GALNT7: variants seen among roughly 807,000 people sequenced by gnomAD.
GALNT7 encodes N-acetylgalactosaminyltransferase 7.
GALNT7 carries 60 observed loss-of-function variants against 82.1 expected under a neutral mutation model. The observed-to-expected ratio is 0.73, with a 90% CI of 0.59 to 0.91. The LOEUF is 0.91. Ranked by LOEUF, GALNT7 falls within the 40% of genes least tolerant of loss-of-function variation. GALNT7 has a pLI of 0.00. For missense variants in GALNT7, 660 were observed against 804.2 expected, an observed-to-expected ratio of 0.82 and a Z score of 2.17; for synonymous variants, 243 against 275.1, an observed-to-expected ratio of 0.88 and a Z score of 1.15.
intron 2 of GALNT7, among the ~76,000 whole-genome samples, chr4:173,256,016 G>A (rs1347807249): frequency 6.6e-6 from 1 of 152,198 alleles, no homozygotes; most frequent in African/African-American, 2.4e-5. Flanking sequence ...GTGGTTCATA[G>A]ATTTCCTCTT....
intron 1 of GALNT7, among the ~76,000 whole-genome samples, chr4:173,234,163 T>C (rs879589507): frequency 1.3e-5 from 2 of 152,192 alleles, no homozygotes; most frequent in Admixed American, 6.5e-5. Flanking sequence ...TCTTTCCACA[T>C]ATTGGGCTAG....
chr4:173,286,276 G>A (rs913860936), intron 2 of GALNT7, among the ~76,000 whole-genome samples: 3 of 152,158 alleles, frequency 2.0e-5, no homozygotes, highest in Admixed American at 6.5e-5. Flanking sequence ...AAAATGGCTC[G>A]GCTCTAGCAA....
At chr4:173,277,803 G>A (rs1474794784) in intron 2 of GALNT7, among the ~76,000 whole-genome samples, 1 of 152,186 alleles carries the variant, frequency 6.6e-6, no homozygotes, top group Non-Finnish European at 1.5e-5. Context: ...AAAGACAGAT[G>A]TGCAATACTT....
chr4:173,318,801 G>T (rs1383288439), intron 11 of GALNT7: 1 of 308,104 alleles, frequency 3.2e-6, no homozygotes, highest in East Asian at 7.4e-5. Context: ...TGTCTATAAA[G>T]AGCACTGCTA....
At chr4:173,226,535 C>A (rs1240092413) in intron 1 of GALNT7, among the ~76,000 whole-genome samples, 1 of 152,154 alleles carries the variant, frequency 6.6e-6, no homozygotes, top group Non-Finnish European at 1.5e-5. Flanking sequence ...CAATTTCAAC[C>A]CCTTCTTTGT....
Position 173,304,496 on chromosome 4 carries a change from G to A in GALNT7, c.1389+378G>A, listed in dbSNP as rs569836267. On this transcript the variant is annotated intron_variant, in intron 8 of 11. Coordinates refer to ENST00000265000, the MANE Select transcript of GALNT7 (RefSeq NM_017423.3). Reference sequence around the variant, plus strand: ...ATGTTTTGATATATGTATACATTGTGGGGATGGCTAAATCTGGCTATTTGG... The same window carrying A: ...ATGTTTTGATATATGTATACATTGTAGGGATGGCTAAATCTGGCTATTTGG... 3.9e-5 allele frequency among the ~76,000 whole-genome samples: 6 copies of A among 151,978 alleles called. 1 individual carries two copies. The South Asian group carries it at 1.2e-3, about 32-fold the overall frequency.
chr4:173,193,844 T>C (rs78045974), intron 1 of GALNT7, among the ~76,000 whole-genome samples: 179 of 152,276 alleles, frequency 1.2e-3, no homozygotes, highest in African/African-American at 4.0e-3. Flanking sequence ...AAATCTGTTA[T>C]TAGGGAGGCA....
chr4:173,219,647 A>G (rs1048968788), intron 1 of GALNT7, among the ~76,000 whole-genome samples: 1 of 152,156 alleles, frequency 6.6e-6, no homozygotes, highest in African/African-American at 2.4e-5. Context: ...CATCCATGCC[A>G]ATATCTATTA....
intron 9 of GALNT7, 120 bp from the exon 10 acceptor site, chr4:173,317,514 C>T (rs1241684327): frequency 3.0e-6 from 2 of 672,612 alleles, no homozygotes; most frequent in African/African-American, 3.6e-5. Flanking sequence ...CCTGTCACTA[C>T]ACATACCCAG....
At chr4:173,247,881 T>C in intron 1 of GALNT7, 99 bp from the exon 2 acceptor site, 1 of 683,010 alleles carries the variant, frequency 1.5e-6, no homozygotes, top group Admixed American at 2.8e-5. Flanking sequence ...GTTTTATTGT[T>C]GCCTCAGCCT....
intron 1 of GALNT7, among the ~76,000 whole-genome samples, chr4:173,196,576 T>C (rs556435794): frequency 6.4e-4 from 97 of 152,318 alleles, no homozygotes; most frequent in African/African-American, 2.3e-3. Flanking sequence ...GGGTTGCATG[T>C]GCAGGATGTA....
chr4:173,233,811 A>G (rs892010668), intron 1 of GALNT7, among the ~76,000 whole-genome samples: 8 of 152,340 alleles, frequency 5.3e-5, no homozygotes, highest in Middle Eastern at 3.4e-3. Flanking sequence ...TTTGCTTTTA[A>G]AAATCTTCAA....
At chr4:173,295,930 G>A in intron 5 of GALNT7, 87 bp downstream of exon 5, 2 of 803,964 alleles carry the variant, frequency 2.5e-6, no homozygotes, top group Non-Finnish European at 4.5e-6. Context: ...TTTGATTCCA[G>A]CTCCATTCAG....
chr4:173,247,398 A>G (rs1734682573), intron 1 of GALNT7, among the ~76,000 whole-genome samples: 1 of 151,154 alleles, frequency 6.6e-6, no homozygotes, highest in Non-Finnish European at 1.5e-5. Flanking sequence ...TACAGATATT[A>G]GCTTTTTTTA....
chr4:173,288,412 G>A (rs901284938), intron 2 of GALNT7, among the ~76,000 whole-genome samples: 4 of 152,022 alleles, frequency 2.6e-5, no homozygotes, highest in African/African-American at 9.7e-5. Context: ...GGACATAGGA[G>A]GGAGGGGAAT....
intron 6 of GALNT7, among the ~76,000 whole-genome samples, chr4:173,299,822 G>A (rs1332626401): frequency 6.6e-6 from 1 of 151,764 alleles, no homozygotes; most frequent in Non-Finnish European, 1.5e-5. Flanking sequence ...CTCCAGCCTG[G>A]GCAACAGAGT....
chr4:173,231,902 A>G (rs966284366), intron 1 of GALNT7, among the ~76,000 whole-genome samples: 2 of 152,238 alleles, frequency 1.3e-5, no homozygotes, highest in African/African-American at 4.8e-5. Flanking sequence ...CCTCAATTAG[A>G]GCTTTTTAGT....
At position 173,267,128 on chromosome 4, in the gene GALNT7, A is replaced by G. The variant is rs10471200; in HGVS notation, c.587+18688A>G. Among the ~76,000 whole-genome samples, 404 of 152,276 alleles carry G rather than the reference A, an allele frequency of 2.7e-3. 3 individuals carry two copies. Among genetic ancestry groups the G allele is most frequent in the African/African-American group, 9.3e-3 (387 of 41,552 alleles). The stretch of plus-strand genomic sequence containing the variant: ...ATGATAAATGTTTGAGGTGGTGCAT[A>G]TCCTAAATACCCTGCTTTGATCATT... On this transcript the variant is annotated intron_variant, in intron 2 of 11. Coordinates refer to ENST00000265000, the MANE Select transcript of GALNT7 (RefSeq NM_017423.3).
chr4:173,187,394 A>AG (rs1201109766), intron 1 of GALNT7, among the ~76,000 whole-genome samples: 7 of 152,052 alleles, frequency 4.6e-5, no homozygotes, highest in Non-Finnish European at 8.8e-5. Flanking sequence ...AAAAAAAAAA[A>AG]AAACCTGTGT....
Sources: gnomAD v4.1 joint callset for allele counts (sites outside exome capture counted in the v4.1 genomes callset) on GRCh38, gnomAD v4.1.1 for gene constraint, MANE v1.5 for transcripts, NCBI Gene and HGNC (gene_info 2026-07-23, HGNC 2026-07-21) for gene names.